Variants in DNAH6 observed in about 807,000 individuals in gnomAD.
The protein encoded by DNAH6 is axonemal beta dynein heavy chain 6.
DNAH6 carries 340 observed loss-of-function variants against 491.4 expected under a neutral mutation model. The observed-to-expected ratio is 0.69, with a 90% CI of 0.63 to 0.76. The LOEUF (loss-of-function observed/expected upper bound fraction) is 0.76. Ranked by LOEUF, DNAH6 falls within the 30% of genes least tolerant of loss-of-function variation. The pLI is 0.00. For synonymous variants in DNAH6, 1,603 were observed against 1,686.1 expected (o/e 0.95, Z 1.21); for missense variants, 4,443 against 4,972.2 (o/e 0.89, Z 3.20).
chr2:84,799,546 C>T (rs979609200), intron 70 of DNAH6, among the ~76,000 whole-genome samples: 1 of 152,256 alleles, frequency 6.6e-6, no homozygotes, highest in Non-Finnish European at 1.5e-5. Flanking sequence ...TGTACACTGG[C>T]AGTGCCACTA....
Position 84,659,090 on chromosome 2 carries a change from G to T in DNAH6, c.6005G>T (p.Gly2002Val), listed in dbSNP as rs1276101927. Residue 2002 changes from glycine (G) to valine (V), a missense_variant, in exon 37 of 77, where the codon GGT (glycine) becomes GTT (valine). By Grantham distance (109) the Gly-to-Val change is moderately radical (BLOSUM62 -3). Around this residue, in one of 3 missense-constraint regions of DNAH6, gnomAD observed 2,977 missense variants for 3,296.6 expected, o/e 0.90. Transcript: ENST00000389394. ...TFVFCYLWSL[G>V]GNLTENYYDS... ...GTATTCTGTTATTTGTGGTCTTTGG[G>T]TGGAAACCTAACTGAAAACTACTAT... The T allele has an allele frequency of 1.3e-6, 2 of 1,510,056 alleles. No individual in the cohort carries two copies. The highest frequency in any genetic ancestry group is 1.8e-6 in the Non-Finnish European group (2 of 1,114,100). 93.5% of individuals were successfully genotyped at this position (1,510,056 alleles called of 1,614,324 possible).
At position 84,728,628 on chromosome 2, in the gene DNAH6, GT is replaced by G. The variant is rs535749795; in HGVS notation, c.10206+734del. On this transcript the variant is annotated intron_variant, in intron 61 of 76. Coordinates refer to ENST00000389394, the MANE Select transcript of DNAH6 (RefSeq NM_001370.2). The stretch of plus-strand genomic sequence containing the variant: ...GTTGTAATTCACAGATTTAGCAATA[GT>G]TTTTTTTAAAAAACCATGACCCTCT... 9.9e-5 allele frequency among the ~76,000 whole-genome samples: 15 copies of G among 152,178 alleles called. No individual in the cohort carries two copies. The South Asian group carries it at 3.1e-3, about 32-fold the overall frequency.
chr2:84,462,517 G>A, the DNAH6 span, among the ~76,000 whole-genome samples: 1 of 152,190 alleles, frequency 6.6e-6, no homozygotes, highest in Admixed American at 6.5e-5. Context: ...AATTGACTGA[G>A]ACCTGTCTCA....
At position 84,727,667 on chromosome 2, in the gene DNAH6, A is replaced by G; in HGVS notation, c.9973-2A>G. ...ACATTGATAGAGCTCTCTTTCACAC[A>G]GTTGTTCAATACCACCATTGAAACT... On this transcript the variant is annotated splice_acceptor_variant, in intron 60 of 76. Coordinates refer to ENST00000389394, the MANE Select transcript of DNAH6 (RefSeq NM_001370.2). LOFTEE classifies it high-confidence loss of function. 2 of 1,523,400 alleles carry G rather than the reference A, an allele frequency of 1.3e-6. No homozygotes were observed. Among genetic ancestry groups the G allele is most frequent in the Non-Finnish European group, 1.8e-6 (2 of 1,121,368 alleles). 94.4% of individuals were successfully genotyped at this position (1,523,400 alleles called of 1,614,324 possible).
chr2:84,688,037 T>G (rs967493223), intron 44 of DNAH6, among the ~76,000 whole-genome samples: 4 of 151,852 alleles, frequency 2.6e-5, no homozygotes, highest in African/African-American at 7.3e-5. Context: ...GAGCTCGAGA[T>G]CAGCCTGGCC....
chr2:84,563,204 G>C (rs11126968), intron 11 of DNAH6, among the ~76,000 whole-genome samples: 140,199 of 152,232 alleles, frequency 0.92, 64,778 homozygotes, highest in East Asian at 1. Context: ...TTGGGTATGT[G>C]TTTATTAGCA....
intron 5 of DNAH6, among the ~76,000 whole-genome samples, chr2:84,546,480 C>T (rs1284878650): frequency 6.6e-6 from 1 of 152,130 alleles, no homozygotes; most frequent in Non-Finnish European, 1.5e-5. Context: ...TGGTGGAATC[C>T]ATGACTCTGG....
intron 63 of DNAH6, among the ~76,000 whole-genome samples, chr2:84,759,520 G>A (rs1382309534): frequency 6.6e-6 from 1 of 150,644 alleles, no homozygotes; most frequent in African/African-American, 2.4e-5. Flanking sequence ...AAAAGCAAAC[G>A]AACAAAAAAA....
intron 11 of DNAH6, among the ~76,000 whole-genome samples, chr2:84,572,126 G>C (rs1413735231): frequency 6.6e-6 from 1 of 152,084 alleles, no homozygotes; most frequent in African/African-American, 2.4e-5. Context: ...ATTATACTGT[G>C]GTTATGTAAG....
Position 84,624,628 on chromosome 2 carries a change from A to G in DNAH6, c.4353+8A>G. 1 of 1,550,592 alleles carries G rather than the reference A, an allele frequency of 6.4e-7. No homozygotes were observed. Among genetic ancestry groups the G allele is most frequent in the Non-Finnish European group, 8.7e-7 (1 of 1,146,472 alleles). ...GTTATTACTCCACTCACAGTAAGTT[A>G]TTGATCACTTGGGTTAATATTGACA... On this transcript the variant is annotated splice_region_variant and intron_variant, in intron 28 of 76. Coordinates refer to ENST00000389394, the MANE Select transcript of DNAH6 (RefSeq NM_001370.2).
Position 84,616,886 on chromosome 2 carries a change from G to A in DNAH6, c.3476G>A (p.Gly1159Glu), listed in dbSNP as rs1686905506. Reference sequence around the variant, plus strand: ...AATACTATTTTTTTTTAATGAACAGGACTTCTGGAAACTTTTCAAAACAAT... The same window carrying A: ...AATACTATTTTTTTTTAATGAACAGAACTTCTGGAAACTTTTCAAAACAAT... ...PNALRAATQP[G>E]LLETFQNNNA... Residue 1159 changes from glycine (G) to glutamate (E), a missense_variant and splice_region_variant, in exon 23 of 77, where the codon GGA becomes GAA. Around this residue, in one of 3 missense-constraint regions of DNAH6, gnomAD observed 2,977 missense variants for 3,296.6 expected, o/e 0.90. Transcript: ENST00000389394. The A allele has an allele frequency of 4.8e-6, 7 of 1,453,306 alleles. No individual in the cohort carries two copies. Among genetic ancestry groups the A allele is most frequent in the Non-Finnish European group, 6.3e-6 (7 of 1,104,354 alleles). The allele number at this position is 1,453,306 out of a possible 1,614,324, so 90.0% of individuals were successfully genotyped here.
rs531849115 is a variant in DNAH6, at chr2:84,614,868, G to C, written c.3476-2018G>C. Among the ~76,000 whole-genome samples the C allele has an allele frequency of 4.6e-5, 7 of 152,090 alleles. No individual in the cohort carries two copies. In the South Asian group the frequency reaches 1.5e-3, roughly 32 times the overall value. On this transcript the variant is annotated intron_variant, in intron 22 of 76. Transcript: ENST00000389394. Reference sequence around the variant, plus strand: ...ATGTCCTTAGCTCACTTTTTGAAGGGATTGTTTGTTTTTTTCTTGCTGATT... The same window carrying C: ...ATGTCCTTAGCTCACTTTTTGAAGGCATTGTTTGTTTTTTTCTTGCTGATT...
rs993771627 is a variant in DNAH6 at position 84,611,914 on chromosome 2, T to A, written c.3475+60T>A. On this transcript the variant is annotated intron_variant, in intron 22 of 76. Coordinates refer to ENST00000389394, the MANE Select transcript of DNAH6 (RefSeq NM_001370.2). ...ACAATCTTTTAGTAGTCTGGGACTT[T>A]AGTCCCAGACTAAAATGTTTCTCTG... is the stretch of plus-strand genomic sequence containing the variant. The A allele has an allele frequency of 5.9e-5, 81 of 1,374,738 alleles. No individual in the cohort carries two copies. The African/African-American group carries it at 6.9e-4, about 12-fold the overall frequency. The allele number at this position is 1,374,738 out of a possible 1,614,324, so 85.2% of individuals were successfully genotyped here.
intron 40 of DNAH6, among the ~76,000 whole-genome samples, chr2:84,675,163 G>A (rs1693112159): frequency 1.3e-5 from 2 of 152,186 alleles, no homozygotes; most frequent in Non-Finnish European, 2.9e-5. Context: ...ATGGAGCACT[G>A]TGTGTCTTTA....
intron 64 of DNAH6, among the ~76,000 whole-genome samples, chr2:84,765,929 A>G (rs1308699871): frequency 2.6e-5 from 4 of 152,130 alleles, no homozygotes; most frequent in Admixed American, 6.5e-5. Context: ...GTTCCAATGT[A>G]TATCACAAAA....
At chr2:84,703,326 A>G in intron 49 of DNAH6, 69 bp from the exon 50 acceptor site, 2 of 1,131,838 alleles carry the variant, frequency 1.8e-6, no homozygotes, top group Non-Finnish European at 2.4e-6. Flanking sequence ...CATGAGTAAT[A>G]TGTGTTCGAT....
At chr2:84,620,797 C>T (rs904949300) in intron 24 of DNAH6, among the ~76,000 whole-genome samples, 1 of 152,150 alleles carries the variant, frequency 6.6e-6, no homozygotes, top group Non-Finnish European at 1.5e-5. Flanking sequence ...ACAGCCATGA[C>T]AGTCAAGCCA....
At chr2:84,680,544 G>A (rs1193254888) in intron 41 of DNAH6, among the ~76,000 whole-genome samples, 1 of 152,036 alleles carries the variant, frequency 6.6e-6, no homozygotes. Flanking sequence ...AGAGGGCTGG[G>A]CACAGGAAGA....
intron 45 of DNAH6, among the ~76,000 whole-genome samples, chr2:84,694,024 C>T (rs972595597): frequency 6.6e-6 from 1 of 152,182 alleles, no homozygotes; most frequent in African/African-American, 2.4e-5. Context: ...CGACTAGGGC[C>T]GAGACCCAAC....
Sources: allele counts gnomAD v4.1 joint callset (sites outside exome capture counted in the v4.1 genomes callset), GRCh38; gene constraint gnomAD v4.1.1; regional missense constraint gnomAD v4.1.1; transcripts MANE v1.5; gene names NCBI Gene and HGNC (gene_info 2026-07-23, HGNC 2026-07-21).